FBRSL1: variants seen among roughly 807,000 people sequenced by gnomAD.
FBRSL1 encodes the protein fibrosin-1-like protein.
A neutral mutation model predicts 89.6 loss-of-function variants in FBRSL1; 51 were observed. That is an observed-to-expected ratio of 0.57 (90% CI 0.45 to 0.72). The LOEUF is 0.72. Among genes scored for constraint, FBRSL1 ranks in the 30% least tolerant of loss-of-function variants. The pLI is 0.00. For missense variants in FBRSL1, 1,618 were observed against 1,451.8 expected, an observed-to-expected ratio of 1.11 and a Z score of -1.86; for synonymous variants, 779 against 681.1, an observed-to-expected ratio of 1.14 and a Z score of -2.24.
chr12:132,538,262 C>T (rs1283211704), intron 4 of FBRSL1, among the ~76,000 whole-genome samples: 1 of 152,246 alleles, frequency 6.6e-6, no homozygotes, highest in African/African-American at 2.4e-5. Flanking sequence ...ACGCAGGGCT[C>T]TCCAGGCCTG....
chr12:132,574,414 G>A (rs1394822237), intron 13 of FBRSL1, 66 bp downstream of exon 13: 1 of 1,548,458 alleles, frequency 6.5e-7, no homozygotes, highest in Non-Finnish European at 8.7e-7. Context: ...GGCCTCGGGG[G>A]GCCCGTGACA....
intron 2 of FBRSL1, among the ~76,000 whole-genome samples, chr12:132,522,929 G>A (rs2035484430): frequency 6.6e-6 from 1 of 150,610 alleles, no homozygotes. Flanking sequence ...TGTCACTCTA[G>A]GGGGGGCAGG....
In FBRSL1 at chr12:132,508,288, G is replaced by T; in HGVS notation, c.427G>T (p.Gly143Trp). 3.2e-6 allele frequency: 5 copies of T among 1,549,984 alleles called. No homozygotes were observed. Among genetic ancestry groups the T allele is most frequent in the Non-Finnish European group, 4.4e-6 (5 of 1,146,732 alleles). Residue 143 changes from glycine (G) to tryptophan (W), a missense_variant, in exon 2 of 19, where the codon GGG becomes TGG. By Grantham distance (184) the Gly-to-Trp change is radical (BLOSUM62 -2). Coordinates refer to ENST00000680143, the MANE Select transcript of FBRSL1 (RefSeq NM_001367871.1). ...GCGGCCCCTGGAGGCAGGCAGCCCC[G>T]GGCAGGACCTCGAACCCGCCTGCGA... The part of the protein sequence containing the change: ...NRRPLEAGSP[G>W]QDLEPACDGA...
chr12:132,583,442 C>A lies in FBRSL1; in HGVS notation c.2673C>A (p.His891Gln). Residue 891 changes from histidine to glutamine, a missense_variant, in exon 19 of 19, where the codon CAC (histidine) becomes CAA (glutamine). Coordinates refer to ENST00000680143, the MANE Select transcript of FBRSL1 (RefSeq NM_001367871.1). ...GCCCCTACCGCGACCGCGAGCCCCA[C>A]GGCTACAGCCCCGAGCGCCTGCGCG... ...PERPYRDREP[H>Q]GYSPERLRGE... 9.3e-7 allele frequency: 1 copy of A among 1,069,772 alleles called. No individual in the cohort carries two copies. The highest frequency in any genetic ancestry group is 1.1e-6 in the Non-Finnish European group (1 of 882,444). 66.3% of individuals were successfully genotyped at this position (1,069,772 alleles called of 1,614,324 possible).
chr12:132,564,755 G>GC lies in FBRSL1; in HGVS notation c.646-2726_646-2725insC, dbSNP rs1347102968. On this transcript the variant is annotated intron_variant, in intron 5 of 18. Coordinates refer to ENST00000680143, the MANE Select transcript of FBRSL1 (RefSeq NM_001367871.1). ...CGTGATCCGCCCTCCTCGGCCTCCCGAGTAGCTGGGACTACAGGCGCCCGC... is the reference window on the plus strand; with the variant it reads ...CGTGATCCGCCCTCCTCGGCCTCCCGCAGTAGCTGGGACTACAGGCGCCCGC... Among the ~76,000 whole-genome samples, 2 of 95,756 alleles carry GC rather than the reference G, an allele frequency of 2.1e-5. 1 individual carries two copies. The highest frequency in any genetic ancestry group is 1.2e-4 in the African/African-American group (2 of 17,368). 62.8% of individuals were successfully genotyped at this position (95,756 alleles called of 152,430 possible). A position where few individuals can be genotyped will look rare whatever the true frequency, so the allele number is the denominator to read the frequency against.
In FBRSL1 at chr12:132,526,193, C is replaced by T. The variant is rs185296823; in HGVS notation, c.579+370C>T. ...TTGGACGCTGTGCCTGCACTGCTGG[C>T]CTGTGGGTGGAGGGCAGGCGGACGG... On this transcript the variant is annotated intron_variant, in intron 3 of 18. Coordinates refer to ENST00000680143, the MANE Select transcript of FBRSL1 (RefSeq NM_001367871.1). 6.0e-3 allele frequency among the ~76,000 whole-genome samples: 919 copies of T among 152,324 alleles called. 7 individuals are homozygous for T. Among genetic ancestry groups the T allele is most frequent in the South Asian group, 0.018 (85 of 4,834 alleles).
chr12:132,542,923 T>A (rs1358099281), intron 4 of FBRSL1, among the ~76,000 whole-genome samples: 3 of 152,190 alleles, frequency 2.0e-5, no homozygotes, highest in African/African-American at 7.2e-5. Flanking sequence ...CTGATTTGTG[T>A]CTCCCCATGT....
chr12:132,518,664 ATCCATCCACCCATCTGTCCT>A (rs1193068527), intron 2 of FBRSL1, among the ~76,000 whole-genome samples: 2 of 148,774 alleles, frequency 1.3e-5, no homozygotes, highest in East Asian at 4.1e-4. Context: ...CCGTGCATCC[ATCCATCCACCCATCTGTCCT>A]TCCATCCACC....
intron 6 of FBRSL1, among the ~76,000 whole-genome samples, chr12:132,569,202 GGGGTGTGC>G (rs2039838826): frequency 6.7e-6 from 1 of 148,434 alleles, no homozygotes; most frequent in African/African-American, 2.5e-5. Context: ...AGGAGGGTTT[GGGGTGTGC>G]GGGGGTGGGG....
intron 4 of FBRSL1, among the ~76,000 whole-genome samples, chr12:132,528,748 C>T (rs1010538655): frequency 1.3e-4 from 19 of 151,666 alleles, no homozygotes; most frequent in African/African-American, 4.1e-4. Flanking sequence ...TGTGGGTGCA[C>T]GGGTGTGTTT....
At chr12:132,564,254 T>G (rs12809318) in intron 5 of FBRSL1, among the ~76,000 whole-genome samples, 5 of 152,034 alleles carry the variant, frequency 3.3e-5, no homozygotes, top group African/African-American at 1.2e-4. Context: ...GCCGCCTCCC[T>G]TCTGCCCTGA....
At chr12:132,528,563 C>T (rs539320936) in intron 4 of FBRSL1, among the ~76,000 whole-genome samples, 3 of 150,430 alleles carry the variant, frequency 2.0e-5, no homozygotes, top group South Asian at 4.3e-4. Context: ...GGTGTGTGCC[C>T]AGGGGGAGCG....
chr12:132,510,980 T>A (rs2136638814), intron 2 of FBRSL1: 1 of 988,088 alleles, frequency 1.0e-6, no homozygotes, highest in East Asian at 1.1e-4. Flanking sequence ...GGTGTGAGAG[T>A]GAGTGGCGTG....
At chr12:132,511,297 C>T (rs1566119091) in intron 2 of FBRSL1, 1 of 985,672 alleles carries the variant, frequency 1.0e-6, no homozygotes, top group Middle Eastern at 5.2e-4. Context: ...AGCGCCTTCT[C>T]CCGGCTTCCC....
intron 1 of FBRSL1, among the ~76,000 whole-genome samples, chr12:132,494,144 G>C (rs916266091): frequency 1.3e-5 from 2 of 152,186 alleles, no homozygotes; most frequent in Non-Finnish European, 2.9e-5. Flanking sequence ...CCTCTCCCCT[G>C]CTCTTGTTCT....
chr12:132,555,404 G>A (rs571454133), intron 5 of FBRSL1, among the ~76,000 whole-genome samples: 1 of 145,676 alleles, frequency 6.9e-6, no homozygotes, highest in South Asian at 2.2e-4. Flanking sequence ...CACGGTAGCC[G>A]CCCCACCCGA....
chr12:132,583,353 C>G lies in FBRSL1; in HGVS notation c.2584C>G (p.Arg862Gly). ...GCCTTTCCGCGGCCTGGAGCTGCCA[C>G]GTCGCGCCTTCCCCGCTGCCGCCCC... ...WEPFRGLELP[R>G]RAFPAAAPAP... The change falls in exon 19 of 19, where the codon CGT (arginine) becomes GGT (glycine). Residue 862 changes from arginine to glycine, a missense_variant. Physicochemically the swap from Arg to Gly is moderately radical, Grantham distance 125 (BLOSUM62 -2). Coordinates refer to ENST00000680143, the MANE Select transcript of FBRSL1 (RefSeq NM_001367871.1). 1 of 1,148,380 alleles carries G rather than the reference C, an allele frequency of 8.7e-7. No individual in the cohort carries two copies. The highest frequency in any genetic ancestry group is 1.1e-6 in the Non-Finnish European group (1 of 931,996). The allele number at this position is 1,148,380 out of a possible 1,614,324, so 71.1% of individuals were successfully genotyped here.
At chr12:132,515,471 T>C (rs927505018) in intron 2 of FBRSL1, among the ~76,000 whole-genome samples, 2 of 151,740 alleles carry the variant, frequency 1.3e-5, no homozygotes, top group African/African-American at 4.9e-5. Flanking sequence ...GAAAACTAGC[T>C]TGTGCTTATA....
At chr12:132,507,393 T>A (rs1241971101) in intron 1 of FBRSL1, 9 of 985,400 alleles carry the variant, frequency 9.1e-6, no homozygotes, top group Non-Finnish European at 1.1e-5. Context: ...CAGAAGGTGC[T>A]TACTAGTGGT....
Sources: gnomAD v4.1 joint callset for allele counts (sites outside exome capture counted in the v4.1 genomes callset) on GRCh38, gnomAD v4.1.1 for gene constraint, MANE v1.5 for transcripts, NCBI Gene and HGNC (gene_info 2026-07-23, HGNC 2026-07-21) for gene names.